ZMIZ1: variants seen among roughly 807,000 people sequenced by gnomAD.
ZMIZ1 encodes the protein zinc finger MIZ-type containing 1, also known as zinc finger MIZ domain-containing protein 1.
Under a neutral mutation model 113.9 loss-of-function variants are expected in ZMIZ1, and 17 were observed. The ratio of observed to expected loss-of-function variants is 0.15; its 90% CI spans 0.10 to 0.22. ZMIZ1 has a LOEUF of 0.22. Among genes scored for constraint, ZMIZ1 ranks in the 10% least tolerant of loss-of-function variants. The probability of loss-of-function intolerance (pLI) is 1.00; values close to 1 mark genes in which losing one functional copy is unlikely to be tolerated. For synonymous variants in ZMIZ1, 607 were observed against 603.1 expected, an observed-to-expected ratio of 1.01 and a Z score of -0.09; for missense variants, 1,059 against 1,477.8, an observed-to-expected ratio of 0.72 and a Z score of 4.65.
intron 7 of ZMIZ1, among the ~76,000 whole-genome samples, 172 bp from the exon 8 acceptor site, chr10:79,277,009 A>C (rs1337201443): frequency 6.6e-6 from 1 of 152,050 alleles, no homozygotes; most frequent in Non-Finnish European, 1.5e-5. Flanking sequence ...CCCATCTTAC[A>C]GTTGAGAATA....
At chr10:79,274,913 G>A (rs1250542) in intron 7 of ZMIZ1, among the ~76,000 whole-genome samples, 48,379 of 152,170 alleles carry the variant, frequency 0.32, 8,179 homozygotes, top group East Asian at 0.45. Flanking sequence ...TGGTGCCTCC[G>A]CCCCCTGCAT....
chr10:79,206,796 C>T (rs549086605), intron 5 of ZMIZ1, among the ~76,000 whole-genome samples: 6 of 152,310 alleles, frequency 3.9e-5, no homozygotes. Flanking sequence ...ACTGCGGCCC[C>T]GTGATGGAGG....
In ZMIZ1 at chr10:79,124,358, G is replaced by T. The variant is rs1462381723; in HGVS notation, c.-227+5334G>T. Among the ~76,000 whole-genome samples the T allele has an allele frequency of 2.0e-5, 3 of 152,222 alleles. No homozygotes were observed. The East Asian group carries it at 5.8e-4, about 29-fold the overall frequency. ...ATGAGAAAACTCAAAGCACAGAGAG[G>T]TTAAGAAACTTAGCCAAGGTCACAC... On this transcript the variant is annotated intron_variant, in intron 2 of 24. Transcript: ENST00000334512.
rs544413046 is a variant in ZMIZ1 at position 79,191,253 on chromosome 10, T to G, written c.-49-10331T>G. Among the ~76,000 whole-genome samples the G allele has an allele frequency of 6.6e-5, 10 of 152,240 alleles. No homozygotes were observed. The East Asian group carries it at 1.7e-3, about 26-fold the overall frequency. Reference sequence around the variant, plus strand: ...CTCCTGCAGAATGCCAGGTGGGATTTGGAGCCTTGGGGAGCTGGGGGTAGG... The same window carrying G: ...CTCCTGCAGAATGCCAGGTGGGATTGGGAGCCTTGGGGAGCTGGGGGTAGG... On this transcript the variant is annotated intron_variant, in intron 4 of 24. Coordinates refer to ENST00000334512, the MANE Select transcript of ZMIZ1 (RefSeq NM_020338.4).
intron 3 of ZMIZ1, among the ~76,000 whole-genome samples, chr10:79,158,131 G>T (rs1193376536): frequency 6.6e-6 from 1 of 152,164 alleles, no homozygotes; most frequent in African/African-American, 2.4e-5. Context: ...GGCACCATGG[G>T]CTGAGCTTTT....
chr10:79,202,243 G>A (rs1848129357), intron 5 of ZMIZ1, among the ~76,000 whole-genome samples: 2 of 144,138 alleles, frequency 1.4e-5, no homozygotes, highest in Admixed American at 6.9e-5. Context: ...AGGAAGGAGG[G>A]AGAAAGAAAG....
intron 17 of ZMIZ1, 39 bp from the exon 18 acceptor site, chr10:79,302,068 A>T: frequency 6.2e-7 from 1 of 1,601,592 alleles, no homozygotes; most frequent in Non-Finnish European, 8.5e-7. Context: ...GGGTGTGGGG[A>T]CAGTGCACAG....
chr10:79,135,511 G>A (rs78096778), intron 2 of ZMIZ1, among the ~76,000 whole-genome samples: 446 of 152,288 alleles, frequency 2.9e-3, no homozygotes, highest in Middle Eastern at 0.01. Flanking sequence ...ATGGACATGC[G>A]GTGCACCTGT....
Position 79,316,115 on chromosome 10 carries a change from A to G in ZMIZ1, c.*3366A>G, listed in dbSNP as rs148089114. ...GGATTTCAGAAGAAAATTGTAACCAAATTCATACTTTGTATAATTTTTGAT... is the reference window on the plus strand; with the variant it reads ...GGATTTCAGAAGAAAATTGTAACCAGATTCATACTTTGTATAATTTTTGAT... On this transcript the variant is annotated 3_prime_UTR_variant, in exon 25 of 25. Transcript: ENST00000334512. 5 of 152,888 alleles carry G rather than the reference A, an allele frequency of 3.3e-5. No individual in the cohort carries two copies. Among genetic ancestry groups the G allele is most frequent in the Non-Finnish European group, 7.3e-5 (5 of 68,046 alleles). The allele number at this position is 152,888 out of a possible 1,614,324, so 9.5% of individuals were successfully genotyped here.
At chr10:79,163,308 G>A (rs909176077) in intron 4 of ZMIZ1, among the ~76,000 whole-genome samples, 6 of 152,232 alleles carry the variant, frequency 3.9e-5, no homozygotes, top group African/African-American at 4.8e-5. Context: ...CTCCATCTCC[G>A]TTCCTGCTGC....
At chr10:79,117,265 G>A (rs1345042083) in intron 1 of ZMIZ1, among the ~76,000 whole-genome samples, 1 of 152,256 alleles carries the variant, frequency 6.6e-6, no homozygotes. Flanking sequence ...TCAGCAGGTG[G>A]AGAACAGACT....
chr10:79,141,352 G>T (rs1564675973), intron 3 of ZMIZ1, among the ~76,000 whole-genome samples: 1 of 152,214 alleles, frequency 6.6e-6, no homozygotes, highest in Admixed American at 6.5e-5. Context: ...CCTAAAAAGT[G>T]AATAGGTCAG....
At chr10:79,288,156 G>T (rs554728245) in intron 8 of ZMIZ1, among the ~76,000 whole-genome samples, 1 of 152,356 alleles carries the variant, frequency 6.6e-6, no homozygotes, top group South Asian at 2.1e-4. Flanking sequence ...GCCTCTGCAG[G>T]AGCCCGTCAG....
intron 1 of ZMIZ1, among the ~76,000 whole-genome samples, chr10:79,114,182 C>A (rs556431255): frequency 6.6e-6 from 1 of 152,344 alleles, no homozygotes; most frequent in South Asian, 2.1e-4. Context: ...AGTGATCACT[C>A]TCCAGAAAAC....
rs373176560 is a variant in ZMIZ1, at chr10:79,129,144, A to G, written c.-227+10120A>G. On this transcript the variant is annotated intron_variant, in intron 2 of 24. Transcript: ENST00000334512. ...GCCGGATGCTAAGCACTTTAAGTACATTATTTAATGTCACTCTCCCCCACC... is the reference window on the plus strand; with the variant it reads ...GCCGGATGCTAAGCACTTTAAGTACGTTATTTAATGTCACTCTCCCCCACC... 8.3e-4 allele frequency among the ~76,000 whole-genome samples: 127 copies of G among 152,246 alleles called. No individual in the cohort carries two copies. In the Middle Eastern group the frequency reaches 0.01, roughly 12 times the overall value.
At chr10:79,180,858 G>A (rs1026612132) in intron 4 of ZMIZ1, among the ~76,000 whole-genome samples, 1 of 152,228 alleles carries the variant, frequency 6.6e-6, no homozygotes, top group African/African-American at 2.4e-5. Flanking sequence ...CCCGGTCTTC[G>A]GGGCCAGCAC....
At chr10:79,075,076 G>A (rs926666332) in intron 1 of ZMIZ1, among the ~76,000 whole-genome samples, 4 of 152,218 alleles carry the variant, frequency 2.6e-5, no homozygotes, top group South Asian at 2.1e-4. Context: ...GAGGACAGAC[G>A]GTGGGGGGAC....
chr10:79,160,015 C>T (rs1846046408), intron 3 of ZMIZ1, among the ~76,000 whole-genome samples: 1 of 152,388 alleles, frequency 6.6e-6, no homozygotes. Flanking sequence ...GCTTCCGTCT[C>T]AGCTGCCAAG....
chr10:79,087,133 G>A (rs544363318), intron 1 of ZMIZ1, among the ~76,000 whole-genome samples: 2 of 152,346 alleles, frequency 1.3e-5, no homozygotes, highest in South Asian at 4.1e-4. Flanking sequence ...TTGTTCACTG[G>A]CATTGTGTCT....
Sources: gnomAD v4.1 joint callset for allele counts (sites outside exome capture counted in the v4.1 genomes callset) on GRCh38, gnomAD v4.1.1 for gene constraint, MANE v1.5 for transcripts, NCBI Gene and HGNC (gene_info 2026-07-23, HGNC 2026-07-21) for gene names.